DRC7: variants seen among roughly 807,000 people sequenced by gnomAD.
DRC7 encodes coiled-coil domain containing 135.
In DRC7, 80 loss-of-function variants were observed where a neutral mutation model predicts 104.4. The ratio of observed to expected loss-of-function variants is 0.77; its 90% confidence interval spans 0.64 to 0.92. DRC7 has a LOEUF of 0.92. Ranked by LOEUF, DRC7 falls within the 40% of genes least tolerant of loss-of-function variation. The probability of loss-of-function intolerance (pLI) is 0.00; values close to 1 mark genes in which losing one functional copy is unlikely to be tolerated. For missense variants in DRC7, 1,034 were observed against 1,141.1 expected, an observed-to-expected ratio of 0.91 and a Z score of 1.35; for synonymous variants, 405 against 447.3, an observed-to-expected ratio of 0.91 and a Z score of 1.19.
chr16:57,717,692 C>A (rs1278299117), intron 8 of DRC7, among the ~76,000 whole-genome samples: 1 of 151,030 alleles, frequency 6.6e-6, no homozygotes. Flanking sequence ...GAGTGAGACT[C>A]TGTCTCAAAA....
Position 57,709,571 on chromosome 16 carries a change from T to C in DRC7, c.1077+1893T>C, listed in dbSNP as rs910579876. On this transcript the variant is annotated intron_variant, in intron 8 of 18. Transcript: ENST00000360716. ...AAAATTTGTTTATATCAAATGTTTT[T>C]TTCATCTATTAAATGATCATAATTT... 5.3e-5 allele frequency among the ~76,000 whole-genome samples: 8 copies of C among 152,228 alleles called. No homozygotes were observed. In the South Asian group the frequency reaches 1.7e-3, roughly 32 times the overall value.
Position 57,702,086 on chromosome 16 carries a change from G to A in DRC7, c.655G>A (p.Asp219Asn). Residue 219 changes from aspartate to asparagine, a missense_variant, in exon 6 of 19, where the codon GAC becomes AAC. Physicochemically the swap from Asp to Asn is conservative, Grantham distance 23. Coordinates refer to ENST00000360716, the MANE Select transcript of DRC7 (RefSeq NM_001289162.2). Reference sequence around the variant, plus strand: ...CGGCTCGCTGGACCTGTGCCACATGGACCTGACGCGGGAGGTGTGCCCACT... The same window carrying A: ...CGGCTCGCTGGACCTGTGCCACATGAACCTGACGCGGGAGGTGTGCCCACT... ...GYGSLDLCHM[D>N]LTREVCPLTV... The A allele has an allele frequency of 6.2e-7, 1 of 1,614,192 alleles. No individual in the cohort carries two copies. Among genetic ancestry groups the A allele is most frequent in the South Asian group, 1.1e-5 (1 of 91,086 alleles).
Position 57,726,862 on chromosome 16 carries a change from C to T in DRC7, c.2005C>T (p.Leu669Phe). 1.9e-5 allele frequency: 31 copies of T among 1,612,988 alleles called. No homozygotes were observed. Among genetic ancestry groups the T allele is most frequent in the Non-Finnish European group, 2.5e-5 (30 of 1,179,636 alleles). Residue 669 changes from leucine (L) to phenylalanine (F), a missense_variant, in exon 15 of 19, where the codon CTC becomes TTC. Leu to Phe is a conservative substitution (Grantham distance 22, BLOSUM62 0). Coordinates refer to ENST00000360716, the MANE Select transcript of DRC7 (RefSeq NM_001289162.2). The stretch of plus-strand genomic sequence containing the variant: ...GCCCATGGAGCACACCAAGAAGCTG[C>T]TCTACCAGTACGAGGCCATGATGCA... Reference protein sequence around the residue: ...VEPMEHTKKLLYQYEAMMHLK... With the variant: ...VEPMEHTKKLFYQYEAMMHLK...
At chr16:57,715,116 T>C (rs1334475697) in intron 8 of DRC7, among the ~76,000 whole-genome samples, 1 of 151,682 alleles carries the variant, frequency 6.6e-6, no homozygotes, top group Non-Finnish European at 1.5e-5. Flanking sequence ...GGCGCGATCT[T>C]GGCACACTGC....
At chr16:57,697,803 G>A (rs2048611667) in intron 2 of DRC7, 110 bp from the exon 3 acceptor site, 19 of 1,243,054 alleles carry the variant, frequency 1.5e-5, no homozygotes, top group South Asian at 1.2e-4. Flanking sequence ...CTATGTGTTC[G>A]ACACCTCCTC....
chr16:57,723,455 G>A (rs998814854), intron 12 of DRC7, among the ~76,000 whole-genome samples: 5 of 152,202 alleles, frequency 3.3e-5, no homozygotes, highest in African/African-American at 9.6e-5. Flanking sequence ...AGGCAGTGCC[G>A]GACACAGGGG....
chr16:57,722,710 C>T lies in DRC7; in HGVS notation c.1280-3C>T, dbSNP rs755948033. ...AAGAGACCACAGCTGACTGTGTCCACAGCATTTGAGACCCGCTGCCCGAAC... is the reference window on the plus strand; with the variant it reads ...AAGAGACCACAGCTGACTGTGTCCATAGCATTTGAGACCCGCTGCCCGAAC... On this transcript the variant is annotated splice_polypyrimidine_tract_variant and splice_region_variant and intron_variant, in intron 10 of 18. Transcript: ENST00000360716. 2 of 1,613,420 alleles carry T rather than the reference C, an allele frequency of 1.2e-6. No homozygotes were observed. The highest frequency in any genetic ancestry group is 2.7e-5 in the African/African-American group (2 of 74,918).
chr16:57,701,570 G>C (rs1597794084), intron 5 of DRC7: 1 of 190,714 alleles, frequency 5.2e-6, no homozygotes, highest in Admixed American at 5.4e-5. Flanking sequence ...AAGGTCAACA[G>C]TGGAGAACTG....
rs757143182 is a variant in DRC7 at position 57,721,662 on chromosome 16, A to T, written c.1207-5A>T. The T allele has an allele frequency of 6.2e-7, 1 of 1,610,996 alleles. No homozygotes were observed. Among genetic ancestry groups the T allele is most frequent in the Non-Finnish European group, 8.5e-7 (1 of 1,177,602 alleles). ...CACCTCCCCCACCCCCTTCTCTCCCATCAGGGCAAGGAGGATGAGGATAAG... is the reference window on the plus strand; with the variant it reads ...CACCTCCCCCACCCCCTTCTCTCCCTTCAGGGCAAGGAGGATGAGGATAAG... On this transcript the variant is annotated splice_region_variant and splice_polypyrimidine_tract_variant and intron_variant, in intron 9 of 18. Transcript: ENST00000360716.
chr16:57,713,751 G>A (rs1043603748), intron 8 of DRC7: 1 of 152,508 alleles, frequency 6.6e-6, no homozygotes, highest in Non-Finnish European at 1.5e-5. Context: ...TCGCTCATTT[G>A]TTTGGTGGCT....
chr16:57,727,146 G>GT (rs1356553239), intron 15 of DRC7, 153 bp from the exon 16 acceptor site: 10 of 694,970 alleles, frequency 1.4e-5, no homozygotes, highest in African/African-American at 1.4e-4. Context: ...TTTTGTTTTT[G>GT]TTTTTTAACA....
chr16:57,731,185 T>G lies in DRC7; in HGVS notation c.2552T>G (p.Leu851Arg). ...TTCAGACACAAGGAACTGGCCCCAC[T>G]GAAGTACCTGGCTCTGGAGGAAAAG... ...RLNRHKELAP[L>R]KYLALEEKLY... The change falls in exon 19 of 19, where the codon CTG (leucine) becomes CGG (arginine). Residue 851 changes from leucine (L) to arginine (R), a missense_variant. Physicochemically the swap from Leu to Arg is moderately radical, Grantham distance 102. Coordinates refer to ENST00000360716, the MANE Select transcript of DRC7 (RefSeq NM_001289162.2). The G allele has an allele frequency of 6.2e-7, 1 of 1,613,854 alleles. No homozygotes were observed. The highest frequency in any genetic ancestry group is 8.5e-7 in the Non-Finnish European group (1 of 1,179,978).
intron 5 of DRC7, 188 bp from the exon 6 acceptor site, chr16:57,701,748 C>A (rs2048660517): frequency 1.7e-6 from 1 of 576,796 alleles, no homozygotes; most frequent in African/African-American, 1.9e-5. Context: ...ATGTGAATGG[C>A]ATGGTGTCTG....
intron 7 of DRC7, among the ~76,000 whole-genome samples, chr16:57,707,198 G>A (rs2048741245): frequency 6.6e-6 from 1 of 152,190 alleles, no homozygotes; most frequent in South Asian, 2.1e-4. Flanking sequence ...TATAAAGCCG[G>A]TAACCCCCAG....
chr16:57,712,640 C>G lies in DRC7; in HGVS notation c.1077+4962C>G, dbSNP rs1258853535. On this transcript the variant is annotated intron_variant, in intron 8 of 18. Transcript: ENST00000360716. Reference sequence around the variant, plus strand: ...TTTTTCTAGTTTCTTAAGGTGGAAGCTGAGATGATTCATCTAAGACTGTTT... The same window carrying G: ...TTTTTCTAGTTTCTTAAGGTGGAAGGTGAGATGATTCATCTAAGACTGTTT... 5.9e-5 allele frequency among the ~76,000 whole-genome samples: 9 copies of G among 151,726 alleles called. No homozygotes were observed. In the South Asian group the frequency reaches 1.9e-3, roughly 31 times the overall value.
rs112237218 is a variant in DRC7 at position 57,702,050 on chromosome 16, G to A, written c.619G>A (p.Val207Ile). 83 of 1,614,194 alleles carry A rather than the reference G, an allele frequency of 5.1e-5. No homozygotes were observed. The highest frequency in any genetic ancestry group is 1.8e-4 in the South Asian group (16 of 91,088). Residue 207 changes from valine (V) to isoleucine (I), a missense_variant, in exon 6 of 19, where the codon GTC (valine) becomes ATC (isoleucine). By Grantham distance (29) the Val-to-Ile change is conservative. Coordinates refer to ENST00000360716, the MANE Select transcript of DRC7 (RefSeq NM_001289162.2). ...LIGSGYDAYC[V>I]NGYGSLDLCH... ...CGGCTCTGGCTATGATGCTTACTGC[G>A]TCAACGGCTACGGCTCGCTGGACCT...
chr16:57,717,095 T>C (rs767931262), intron 8 of DRC7, among the ~76,000 whole-genome samples: 61 of 150,670 alleles, frequency 4.0e-4, no homozygotes, highest in Non-Finnish European at 7.4e-4. Flanking sequence ...GAGATAGAGG[T>C]TGCAGTGAGC....
At position 57,726,245 on chromosome 16, in the gene DRC7, A is replaced by G; in HGVS notation, c.1936A>G (p.Lys646Glu). 6.2e-7 allele frequency: 1 copy of G among 1,612,826 alleles called. No homozygotes were observed. Reference protein sequence around the residue: ...RRTEVDSKGNKIIMTPDMCIS... With the variant: ...RRTEVDSKGNEIIMTPDMCIS... ...CACCGAGGTGGACAGCAAAGGCAAC[A>G]AGATCATCATGACGCCCGACATGTG... Residue 646 changes from lysine to glutamate, a missense_variant, in exon 14 of 19, where the codon AAG becomes GAG. Coordinates refer to ENST00000360716, the MANE Select transcript of DRC7 (RefSeq NM_001289162.2).
At chr16:57,723,823 G>GATA (rs2048933793) in intron 12 of DRC7, among the ~76,000 whole-genome samples, 1 of 91,258 alleles carries the variant, frequency 1.1e-5, no homozygotes, top group East Asian at 3.8e-4. Flanking sequence ...TTTGGAAGTT[G>GATA]ATAATAAAAA....
Sources: gnomAD v4.1 joint callset for allele counts (sites outside exome capture counted in the v4.1 genomes callset) on GRCh38, gnomAD v4.1.1 for gene constraint, MANE v1.5 for transcripts, NCBI Gene and HGNC (gene_info 2026-07-23, HGNC 2026-07-21) for gene names.